NEK6: variants seen among roughly 807,000 people sequenced by gnomAD.
NEK6 encodes the protein serine/threonine-protein kinase Nek6.
Under a neutral mutation model 43.5 loss-of-function variants are expected in NEK6, and 27 were observed. The ratio of observed to expected loss-of-function variants is 0.62; its 90% CI spans 0.46 to 0.86. NEK6 has a LOEUF of 0.86. Ranked by LOEUF, NEK6 falls within the 40% of genes least tolerant of loss-of-function variation. The pLI, the probability that NEK6 is intolerant of heterozygous loss-of-function variation, is 0.00. For missense variants in NEK6, 318 were observed against 414.4 expected (o/e 0.77, Z 2.02); for synonymous variants, 167 against 164.1 (o/e 1.02, Z -0.14).
chr9:124,282,326 T>G (rs1831949810), intron 1 of NEK6, among the ~76,000 whole-genome samples: 1 of 152,234 alleles, frequency 6.6e-6, no homozygotes, highest in South Asian at 2.1e-4. Flanking sequence ...CCACATGGCC[T>G]TCTTCCTTGT....
intron 8 of NEK6, among the ~76,000 whole-genome samples, chr9:124,342,166 G>A (rs1829666665): frequency 6.6e-6 from 1 of 152,012 alleles, no homozygotes; most frequent in Admixed American, 6.5e-5. Flanking sequence ...CAGCGTCACC[G>A]CCCTGCCCCC....
chr9:124,281,487 CTTTTTTTTTTTTTTTTTTT>C (rs759381068), intron 1 of NEK6, among the ~76,000 whole-genome samples: 5 of 102,926 alleles, frequency 4.9e-5, no homozygotes, highest in South Asian at 3.5e-4. Context: ...GCTGTTTTTT[CTTTTTTTTTTTTTTTTTTT>C]TTTTTTTTTT....
intron 1 of NEK6, among the ~76,000 whole-genome samples, chr9:124,262,072 G>A (rs1047156349): frequency 6.6e-5 from 10 of 151,970 alleles, no homozygotes; most frequent in African/African-American, 1.5e-4. Flanking sequence ...GGTGGTCTGC[G>A]GTGGCCCAGG....
Position 124,270,076 on chromosome 9 carries a change from C to G in NEK6, c.-30+11991C>G, listed in dbSNP as rs545429615. On this transcript the variant is annotated intron_variant, in intron 1 of 9. Coordinates refer to ENST00000320246, the MANE Select transcript of NEK6 (RefSeq NM_014397.6). ...AGTAGCCGTTCCTTCCACGCCCCCC[C>G]CCCATGCTGTCTGTGGGGCTTGCCA... 1.1e-4 allele frequency among the ~76,000 whole-genome samples: 17 copies of G among 152,296 alleles called. No individual in the cohort carries two copies. The South Asian group carries it at 2.5e-3, about 22-fold the overall frequency.
At chr9:124,308,439 G>T (rs147649345) in intron 2 of NEK6, among the ~76,000 whole-genome samples, 1,602 of 152,208 alleles carry the variant, frequency 0.011, 20 homozygotes, top group Non-Finnish European at 0.014. Context: ...ATCACCTGAG[G>T]TCAGGTGTTC....
At chr9:124,314,014 T>C in intron 4 of NEK6, 29 bp downstream of exon 4, 1 of 1,611,074 alleles carries the variant, frequency 6.2e-7, no homozygotes, top group Non-Finnish European at 8.5e-7. Context: ...GCGGGAGCTT[T>C]GCCTCCTCGG....
chr9:124,339,163 G>C (rs1032590103), intron 7 of NEK6, among the ~76,000 whole-genome samples: 11 of 151,346 alleles, frequency 7.3e-5, no homozygotes, highest in Non-Finnish European at 1.5e-4. Context: ...TGAGTAGCTT[G>C]GATTATAGGT....
intron 8 of NEK6, among the ~76,000 whole-genome samples, chr9:124,347,410 G>A (rs1325796594): frequency 1.3e-5 from 2 of 152,248 alleles, no homozygotes; most frequent in Non-Finnish European, 2.9e-5. Flanking sequence ...CCGGGCTGAG[G>A]TGGGAGCAAG....
chr9:124,280,183 C>T (rs757742899), intron 1 of NEK6, among the ~76,000 whole-genome samples: 3 of 152,242 alleles, frequency 2.0e-5, no homozygotes, highest in Non-Finnish European at 4.4e-5. Context: ...AACTTCCAGT[C>T]CACACTTGTG....
chr9:124,267,213 G>A (rs968259581), intron 1 of NEK6, among the ~76,000 whole-genome samples: 1 of 152,254 alleles, frequency 6.6e-6, no homozygotes, highest in Non-Finnish European at 1.5e-5. Context: ...AGGAAACCCA[G>A]CATTGAAAGA....
chr9:124,276,622 A>G (rs557521256), intron 1 of NEK6, among the ~76,000 whole-genome samples: 93 of 152,336 alleles, frequency 6.1e-4, no homozygotes, highest in African/African-American at 2.2e-3. Context: ...TTGAGCCTGA[A>G]TCTTCACAGC....
chr9:124,281,035 C>T (rs1831879995), intron 1 of NEK6, among the ~76,000 whole-genome samples: 1 of 152,186 alleles, frequency 6.6e-6, no homozygotes, highest in African/African-American at 2.4e-5. Context: ...AGGTGATCCA[C>T]CCACCTCAGC....
intron 2 of NEK6, among the ~76,000 whole-genome samples, chr9:124,304,301 T>C (rs1482273953): frequency 6.6e-6 from 1 of 152,190 alleles, no homozygotes; most frequent in Non-Finnish European, 1.5e-5. Context: ...GGGCCAGGCA[T>C]TTTCCTTGAT....
At chr9:124,257,726 G>A, upstream of NEK6, 1 of 1,531,738 alleles carries the variant, frequency 6.5e-7, no homozygotes. Flanking sequence ...CGCCCTGTGA[G>A]TCTGGGCCTC....
intron 1 of NEK6, among the ~76,000 whole-genome samples, chr9:124,262,462 A>G (rs1831069199): frequency 6.6e-6 from 1 of 152,366 alleles, no homozygotes; most frequent in African/African-American, 2.4e-5. Context: ...CTTGTGTGGA[A>G]ACAGACCCCC....
intron 1 of NEK6, among the ~76,000 whole-genome samples, chr9:124,298,224 G>A (rs768669323): frequency 6.6e-6 from 1 of 151,296 alleles, no homozygotes; most frequent in African/African-American, 2.4e-5. Context: ...CTTCCCCCTC[G>A]CGCCTCCCCA....
At chr9:124,340,500 A>G (rs1040115983) in intron 8 of NEK6, among the ~76,000 whole-genome samples, 3 of 152,206 alleles carry the variant, frequency 2.0e-5, no homozygotes, top group Non-Finnish European at 4.4e-5. Context: ...CTCCGCATCT[A>G]TAAGATGGGA....
At chr9:124,295,667 G>A (rs1443478733) in intron 1 of NEK6, among the ~76,000 whole-genome samples, 1 of 152,234 alleles carries the variant, frequency 6.6e-6, no homozygotes, top group Non-Finnish European at 1.5e-5. Flanking sequence ...GTCTGTAAGT[G>A]TGAACGAGGT....
At chr9:124,321,230 C>T (rs1834051486) in intron 4 of NEK6, among the ~76,000 whole-genome samples, 1 of 152,234 alleles carries the variant, frequency 6.6e-6, no homozygotes, top group African/African-American at 2.4e-5. Context: ...AACATTATGC[C>T]AGTTTTACAG....
Sources: allele counts gnomAD v4.1 joint callset (sites outside exome capture counted in the v4.1 genomes callset), GRCh38; gene constraint gnomAD v4.1.1; transcripts MANE v1.5; gene names NCBI Gene and HGNC (gene_info 2026-07-23, HGNC 2026-07-21).